Variants in CYP2C18 observed in about 807,000 individuals in gnomAD.
CYP2C18 encodes the protein cytochrome P450 2C18.
A neutral mutation model predicts 41.3 loss-of-function variants in CYP2C18; 38 were observed. The observed-to-expected ratio is 0.92, with a 90% CI of 0.71 to 1.21. The LOEUF is 1.21. Ranked by LOEUF, CYP2C18 falls within the 50% of genes most tolerant of loss-of-function variation. The pLI, the probability that CYP2C18 is intolerant of heterozygous loss-of-function variation, is 0.00. For missense variants in CYP2C18, 635 were observed against 591.4 expected, an observed-to-expected ratio of 1.07 and a Z score of -0.77; for synonymous variants, 236 against 210.0, an observed-to-expected ratio of 1.12 and a Z score of -1.07.
chr10:94,698,388 C>A (rs749259502), intron 4 of CYP2C18, among the ~76,000 whole-genome samples: 2 of 152,216 alleles, frequency 1.3e-5, no homozygotes, highest in African/African-American at 2.4e-5. Context: ...ACTACTGGTA[C>A]ATAATGAAAT....
chr10:94,702,314 A>G (rs1227108601), intron 4 of CYP2C18, among the ~76,000 whole-genome samples: 1 of 152,114 alleles, frequency 6.6e-6, no homozygotes, highest in African/African-American at 2.4e-5. Flanking sequence ...CCTGGATAGT[A>G]TCCTGAAGCG....
intron 4 of CYP2C18, among the ~76,000 whole-genome samples, chr10:94,702,304 C>T (rs1437780130): frequency 6.6e-6 from 1 of 152,136 alleles, no homozygotes; most frequent in Non-Finnish European, 1.5e-5. Flanking sequence ...GGGAAGTTCT[C>T]CTGGATAGTA....
chr10:94,717,450 T>G (rs1342714122), intron 5 of CYP2C18, among the ~76,000 whole-genome samples: 2 of 152,178 alleles, frequency 1.3e-5, no homozygotes, highest in East Asian at 3.9e-4. Flanking sequence ...AAGTTTAGTT[T>G]GGCTGGATAT....
intron 3 of CYP2C18, among the ~76,000 whole-genome samples, chr10:94,692,402 G>GT (rs1249892672): frequency 1.0e-4 from 1 of 9,950 alleles, no homozygotes; most frequent in African/African-American, 4.0e-4. Flanking sequence ...CATTTATGCA[G>GT]CCAAAAACAC....
intron 1 of CYP2C18, among the ~76,000 whole-genome samples, chr10:94,686,030 A>C (rs1436973634): frequency 2.0e-5 from 3 of 152,022 alleles, no homozygotes; most frequent in African/African-American, 7.2e-5. Flanking sequence ...TGAACATGGG[A>C]TATCTTTGCC....
intron 7 of CYP2C18, chr10:94,728,692 G>T: frequency 1.5e-6 from 1 of 650,702 alleles, no homozygotes; most frequent in Non-Finnish European, 1.9e-6. Context: ...AATTAGATCA[G>T]ACCTCCATTT....
At chr10:94,696,588 G>A (rs1221088766) in intron 4 of CYP2C18, among the ~76,000 whole-genome samples, 1 of 152,136 alleles carries the variant, frequency 6.6e-6, no homozygotes, top group East Asian at 1.9e-4. Flanking sequence ...CTCCCCCAAA[G>A]GAATGCAGCT....
intron 6 of CYP2C18, among the ~76,000 whole-genome samples, chr10:94,721,469 A>G (rs1461061254): frequency 6.6e-6 from 1 of 151,950 alleles, no homozygotes; most frequent in Non-Finnish European, 1.5e-5. Context: ...GTAAATTTCT[A>G]TTTTTATAGA....
rs776454960 is a variant in CYP2C18 at position 94,720,424 on chromosome 10, C to G, written c.848C>G (p.Thr283Ser). 1.9e-6 allele frequency: 3 copies of G among 1,611,964 alleles called. No individual in the cohort carries two copies. The South Asian group carries it at 3.3e-5, about 18-fold the overall frequency. Residue 283 changes from threonine to serine, a missense_variant, in exon 6 of 9, where the codon ACT becomes AGT. Thr to Ser is a moderately conservative substitution (Grantham distance 58). Coordinates refer to ENST00000285979, the MANE Select transcript of CYP2C18 (RefSeq NM_000772.3). ...QEKHNQQSEF[T>S]VESLIATVTD... ...AAGCACAATCAACAGTCTGAATTTA[C>G]TGTTGAAAGCTTGATAGCCACTGTA...
intron 8 of CYP2C18, 42 bp downstream of exon 8, chr10:94,733,480 T>C (rs199923206): frequency 6.2e-7 from 1 of 1,608,276 alleles, no homozygotes; most frequent in East Asian, 2.2e-5. Context: ...GGGCACATGA[T>C]ACCTTTTTGG....
chr10:94,711,628 G>C (rs1204300388), intron 5 of CYP2C18, among the ~76,000 whole-genome samples: 2 of 152,042 alleles, frequency 1.3e-5, no homozygotes, highest in Admixed American at 1.3e-4. Context: ...CCAGGCTGGA[G>C]TGGACCTCCT....
chr10:94,707,074 T>A, intron 5 of CYP2C18, 114 bp downstream of exon 5: 1 of 715,862 alleles, frequency 1.4e-6, no homozygotes, highest in Non-Finnish European at 2.3e-6. Context: ...TTACCATGTG[T>A]ATAGATCTGG....
Position 94,688,144 on chromosome 10 carries a change from A to G in CYP2C18, c.351A>G (p.Gly117=). Residue 117 remains glycine, a synonymous_variant, in exon 3 of 9, where the codon GGA becomes GGG. Coordinates refer to ENST00000285979, the MANE Select transcript of CYP2C18 (RefSeq NM_000772.3). ...NKGLGILFSN[G]KRWKEIRRFC... Reference sequence around the variant, plus strand: ...TGCTAGGAATCCTTTTCAGCAATGGAAAGAGATGGAAGGAGATCCGGCGTT... The same window carrying G: ...TGCTAGGAATCCTTTTCAGCAATGGGAAGAGATGGAAGGAGATCCGGCGTT... 1 of 1,613,566 alleles carries G rather than the reference A, an allele frequency of 6.2e-7. No individual in the cohort carries two copies. The highest frequency in any genetic ancestry group is 8.5e-7 in the Non-Finnish European group (1 of 1,179,780).
chr10:94,709,434 C>A (rs557570619), intron 5 of CYP2C18, among the ~76,000 whole-genome samples: 1 of 151,802 alleles, frequency 6.6e-6, no homozygotes, highest in East Asian at 1.9e-4. Flanking sequence ...ACCTTTTGTC[C>A]GTTTTTAAAT....
Position 94,703,943 on chromosome 10 carries a change from G to A in CYP2C18, c.643-2841G>A, listed in dbSNP as rs184586599. ...GTGGGAAAATTGTAGTATCTGGGCT[G>A]GATAGCACTGTCCCTCATGGCTTCC... is the stretch of plus-strand genomic sequence containing the variant. On this transcript the variant is annotated intron_variant, in intron 4 of 8. Coordinates refer to ENST00000285979, the MANE Select transcript of CYP2C18 (RefSeq NM_000772.3). 2.8e-4 allele frequency among the ~76,000 whole-genome samples: 42 copies of A among 152,290 alleles called. 1 individual carries two copies. In the South Asian group the frequency reaches 3.1e-3, roughly 11 times the overall value.
At chr10:94,691,453 A>T (rs953351975) in intron 3 of CYP2C18, among the ~76,000 whole-genome samples, 3 of 152,186 alleles carry the variant, frequency 2.0e-5, no homozygotes, top group Non-Finnish European at 4.4e-5. Flanking sequence ...ATACCTAGGA[A>T]TCCAACTTAC....
intron 7 of CYP2C18, among the ~76,000 whole-genome samples, chr10:94,724,988 G>A (rs954448440): frequency 4.6e-5 from 7 of 150,744 alleles, no homozygotes; most frequent in Admixed American, 2.6e-4. Flanking sequence ...GTAATGTTTT[G>A]TCTTCAGTTC....
intron 4 of CYP2C18, among the ~76,000 whole-genome samples, chr10:94,697,950 A>T (rs1589795496): frequency 6.6e-6 from 1 of 152,220 alleles, no homozygotes; most frequent in African/African-American, 2.4e-5. Flanking sequence ...ATATATATGC[A>T]CCCAATACAG....
At chr10:94,720,560 C>T (rs1847630333) in intron 6 of CYP2C18, 23 bp downstream of exon 6, 1 of 1,601,550 alleles carries the variant, frequency 6.2e-7, no homozygotes, top group Non-Finnish European at 8.5e-7. Flanking sequence ...CATAGGTGAG[C>T]AGGGTGATTT....
Sources: allele counts gnomAD v4.1 joint callset (sites outside exome capture counted in the v4.1 genomes callset), GRCh38; gene constraint gnomAD v4.1.1; transcripts MANE v1.5; gene names NCBI Gene and HGNC (gene_info 2026-07-23, HGNC 2026-07-21).